Variants in MIA2 observed in about 807,000 individuals in gnomAD.
The protein encoded by MIA2 is MIA SH3 domain ER export factor 2.
MIA2 carries 127 observed loss-of-function variants against 167.8 expected under a neutral mutation model. The observed-to-expected ratio is 0.76, with a 90% confidence interval of 0.66 to 0.88. The LOEUF (loss-of-function observed/expected upper bound fraction) is 0.88. Among genes scored for constraint, MIA2 ranks in the 40% least tolerant of loss-of-function variants. The pLI, the probability that MIA2 is intolerant of heterozygous loss-of-function variation, is 0.00. For synonymous variants in MIA2, 552 were observed against 541.9 expected (o/e 1.02, Z -0.26); for missense variants, 1,690 against 1,624.7 (o/e 1.04, Z -0.69).
intron 11 of MIA2, 69 bp from the exon 12 acceptor site, chr14:39,293,931 A>G: frequency 8.5e-7 from 1 of 1,175,392 alleles, no homozygotes; most frequent in Non-Finnish European, 1.3e-6. Flanking sequence ...TTAACAGTAT[A>G]TCTAATAAAC....
chr14:39,331,571 T>C (rs887461214), intron 25 of MIA2, among the ~76,000 whole-genome samples: 1 of 152,158 alleles, frequency 6.6e-6, no homozygotes, highest in Non-Finnish European at 1.5e-5. Flanking sequence ...TTACGTTTTG[T>C]TGTGTTTTTG....
chr14:39,313,708 A>G (rs924555048), intron 19 of MIA2, among the ~76,000 whole-genome samples: 1 of 152,140 alleles, frequency 6.6e-6, no homozygotes, highest in African/African-American at 2.4e-5. Context: ...AATATGGACA[A>G]TTCTATTTTA....
downstream of MIA2, among the ~76,000 whole-genome samples, chr14:39,354,211 A>G (rs2074464190): frequency 1.3e-5 from 2 of 152,030 alleles, no homozygotes; most frequent in Admixed American, 1.3e-4. Flanking sequence ...TTTCTCCACA[A>G]CCTTTCCAGC....
rs540230823 is a variant in MIA2 at position 39,365,689 on chromosome 14, A to G, written c.2248+16712A>G. Among the ~76,000 whole-genome samples the G allele has an allele frequency of 3.8e-3, 431 of 113,780 alleles. 1 individual carries two copies. The highest frequency in any genetic ancestry group is 7.5e-3 in the African/African-American group (204 of 27,382). 74.6% of individuals were successfully genotyped at this position (113,780 alleles called of 152,430 possible). On this transcript the variant is annotated intron_variant, in intron 23 of 23. Coordinates refer to the MIA2 transcript ENST00000341502. ...TATCTATCTATCTATCTATCTATCTATCTATCTAGTAATTTCTCATTTATA... is the reference window on the plus strand; with the variant it reads ...TATCTATCTATCTATCTATCTATCTGTCTATCTAGTAATTTCTCATTTATA...
rs1033512933 is a variant in MIA2, at chr14:39,346,117, C to T, written c.3778+91C>T. 2.7e-5 allele frequency: 29 copies of T among 1,087,598 alleles called. No homozygotes were observed. The African/African-American group carries it at 4.3e-4, about 16-fold the overall frequency. The allele number at this position is 1,087,598 out of a possible 1,614,324, so 67.4% of individuals were successfully genotyped here. On this transcript the variant is annotated intron_variant, in intron 26 of 28. Transcript: ENST00000640607. ...GAATAAAGACCAATATAATTGCTAT[C>T]TCTAGTAGTTCCTAAGGCCAAAATC...
chr14:39,243,378 A>G (rs1435675607), intron 3 of MIA2, among the ~76,000 whole-genome samples: 1 of 152,174 alleles, frequency 6.6e-6, no homozygotes, highest in Non-Finnish European at 1.5e-5. Flanking sequence ...GACAGTTACT[A>G]TTCTAAACAC....
chr14:39,302,148 T>C lies in MIA2; in HGVS notation c.2639T>C (p.Leu880Ser). ...GTCAAGACTCTGACTGAACGCTTGT[T>C]AAAGATGAAAGATTGGGCTGCTATG... ...SHIKTLTERL[L>S]KMKDWAAMLG... The change falls in exon 15 of 29, where the codon TTA (leucine) becomes TCA (serine). Residue 880 changes from leucine (L) to serine (S), a missense_variant. Physicochemically the swap from Leu to Ser is moderately radical, Grantham distance 145. Transcript: ENST00000640607. 6.2e-7 allele frequency: 1 copy of C among 1,613,688 alleles called. No individual in the cohort carries two copies. Among genetic ancestry groups the C allele is most frequent in the Non-Finnish European group, 8.5e-7 (1 of 1,179,686 alleles).
At chr14:39,242,038 T>C (rs1166466021) in intron 3 of MIA2, among the ~76,000 whole-genome samples, 1 of 152,250 alleles carries the variant, frequency 6.6e-6, no homozygotes, top group African/African-American at 2.4e-5. Flanking sequence ...GGCCTGAGAT[T>C]AAACATCAGT....
chr14:39,329,919 C>T (rs983019284), intron 25 of MIA2, among the ~76,000 whole-genome samples: 6 of 151,944 alleles, frequency 3.9e-5, no homozygotes, highest in African/African-American at 1.5e-4. Context: ...GAGATATTGG[C>T]CTGAAATTTT....
In MIA2 at chr14:39,293,369, A is replaced by G. The variant is rs2060986069; in HGVS notation, c.2307A>G (p.Glu769=). 1.3e-6 allele frequency: 2 copies of G among 1,584,588 alleles called. No homozygotes were observed. Among genetic ancestry groups the G allele is most frequent in the Non-Finnish European group, 1.7e-6 (2 of 1,157,694 alleles). Residue 769 remains glutamate (E), a synonymous_variant, in exon 11 of 29, where the codon GAA becomes GAG. Coordinates refer to ENST00000640607, the MANE Select transcript of MIA2 (RefSeq NM_001329214.4). ...AAGAAGAGAAATCCAAACATTCTGAACAAGATGAATTGGTAAGGCTTTTTT... is the reference window on the plus strand; with the variant it reads ...AAGAAGAGAAATCCAAACATTCTGAGCAAGATGAATTGGTAAGGCTTTTTT... ...ELKEEKSKHS[E]QDELMADISK... is the part of the protein sequence containing the mutation.
rs370296546 is a variant in MIA2, at chr14:39,276,964, C to T, written c.1918C>T (p.Pro640Ser). 52 of 1,613,734 alleles carry T rather than the reference C, an allele frequency of 3.2e-5. No homozygotes were observed. The highest frequency in any genetic ancestry group is 4.4e-5 in the Non-Finnish European group (52 of 1,179,874). ...GGCAGCACTGCCTGAAGGTATGAGA[C>T]CAGATTCTAATCTTTATGGTTTTCC... ...VVAALPEGMR[P>S]DSNLYGFPWE... Residue 640 changes from proline to serine, a missense_variant, in exon 7 of 29, where the codon CCA becomes TCA. Transcript: ENST00000640607.
chr14:39,235,996 T>C (rs1381096098), intron 1 of MIA2, among the ~76,000 whole-genome samples: 1 of 152,174 alleles, frequency 6.6e-6, no homozygotes, highest in Non-Finnish European at 1.5e-5. Flanking sequence ...TATATTCATG[T>C]GTTGAACTGC....
At chr14:39,259,971 T>G (rs1053772417) in intron 6 of MIA2, among the ~76,000 whole-genome samples, 3 of 152,106 alleles carry the variant, frequency 2.0e-5, no homozygotes, top group Middle Eastern at 3.2e-3. Flanking sequence ...TGGTTTTCTG[T>G]CCTTGCAATA....
At chr14:39,298,413 T>TTATATATGTATATATATATATATATATA (rs1555375665) in intron 13 of MIA2, among the ~76,000 whole-genome samples, 1 of 26,138 alleles carries the variant, frequency 3.8e-5, no homozygotes, top group African/African-American at 1.4e-4. Context: ...TGATTCTGTT[T>TTATATATGTATATATATATATATATATA]TATATATATA....
intron 23 of MIA2, chr14:39,385,379 T>A: frequency 1.8e-6 from 2 of 1,103,630 alleles, no homozygotes; most frequent in East Asian, 2.4e-5. Flanking sequence ...TCATAAACTA[T>A]AAGGTGGAGA....
chr14:39,271,826 A>T (rs1410782856), intron 6 of MIA2, among the ~76,000 whole-genome samples: 1 of 151,932 alleles, frequency 6.6e-6, no homozygotes, highest in Non-Finnish European at 1.5e-5. Flanking sequence ...AGAATTAGGC[A>T]TGCGGACCCC....
intron 18 of MIA2, among the ~76,000 whole-genome samples, chr14:39,312,143 T>A (rs1163976206): frequency 6.6e-6 from 1 of 152,198 alleles, no homozygotes; most frequent in African/African-American, 2.4e-5. Flanking sequence ...ATGATATTTT[T>A]AAGTCATATC....
chr14:39,377,236 GAAAAA>G (rs202148004), intron 23 of MIA2, among the ~76,000 whole-genome samples: 2 of 106,254 alleles, frequency 1.9e-5, no homozygotes. Flanking sequence ...GGGGGAGGAA[GAAAAA>G]AAAAAAAAAG....
chr14:39,373,375 C>A (rs777632504), intron 23 of MIA2, among the ~76,000 whole-genome samples: 1 of 146,268 alleles, frequency 6.8e-6, no homozygotes, highest in Non-Finnish European at 1.5e-5. Flanking sequence ...AAATTAGCAA[C>A]CTACCTAATT....
Sources: gnomAD v4.1 joint callset for allele counts (sites outside exome capture counted in the v4.1 genomes callset) on GRCh38, gnomAD v4.1.1 for gene constraint, MANE v1.5 for transcripts, NCBI Gene and HGNC (gene_info 2026-07-23, HGNC 2026-07-21) for gene names.